HNF1B: variants seen among roughly 807,000 people sequenced by gnomAD.
The protein encoded by HNF1B is hepatocyte nuclear factor 1-beta.
In HNF1B, 8 loss-of-function variants were observed where a neutral mutation model predicts 61.7. The ratio of observed to expected loss-of-function variants is 0.13; its 90% confidence interval spans 0.08 to 0.23. The LOEUF is 0.23. Ranked by LOEUF, HNF1B falls within the 10% of genes least tolerant of loss-of-function variation. The probability of loss-of-function intolerance (pLI) is 1.00; values close to 1 mark genes in which losing one functional copy is unlikely to be tolerated. For missense variants in HNF1B, 562 were observed against 714.5 expected (o/e 0.79, Z 2.43); for synonymous variants, 314 against 287.7 (o/e 1.09, Z -0.93).
intron 2 of HNF1B, 131 bp from the exon 3 acceptor site, chr17:37,733,952 A>C: frequency 3.7e-6 from 4 of 1,088,504 alleles, no homozygotes; most frequent in Non-Finnish European, 5.5e-6. Flanking sequence ...ACCTTCTCTC[A>C]CTGCATGTGG....
intron 8 of HNF1B, among the ~76,000 whole-genome samples, chr17:37,693,332 A>C (rs1460503128): frequency 2.0e-5 from 3 of 152,072 alleles, no homozygotes; most frequent in Admixed American, 1.3e-4. Context: ...AGGCACATTG[A>C]ATATTTTGTG....
intron 8 of HNF1B, among the ~76,000 whole-genome samples, chr17:37,689,347 G>C (rs1479975778): frequency 6.6e-6 from 1 of 152,032 alleles, no homozygotes; most frequent in Non-Finnish European, 1.5e-5. Flanking sequence ...TCAGATTTCA[G>C]GTGGAGGAGA....
rs199798780 is a variant in HNF1B at position 37,744,520 on chromosome 17, T to G, written c.344+21A>C. 5.4e-4 allele frequency: 862 copies of G among 1,599,076 alleles called. 10 individuals are homozygous for G. The highest frequency in any genetic ancestry group is 4.8e-3 in the Middle Eastern group (29 of 5,988). The stretch of plus-strand genomic sequence containing the variant: ...GCTCCAGGGGTTCGGGTGGGTCCCC[T>G]CCACCTCGCTCTGCGCCTACCTGAG... On this transcript the variant is annotated intron_variant, in intron 1 of 8. Coordinates refer to ENST00000617811, the MANE Select transcript of HNF1B (RefSeq NM_000458.4).
rs773256244 is a variant in HNF1B at position 37,744,876 on chromosome 17, G to A, written c.9C>T (p.Ser3=). 19 of 1,604,782 alleles carry A rather than the reference G, an allele frequency of 1.2e-5. No individual in the cohort carries two copies. The highest frequency in any genetic ancestry group is 1.7e-5 in the Admixed American group (1 of 59,784). The part of the protein sequence containing the change: MV[S]KLTSLQQELL... ...GTTCTTGCTGGAGCGACGTGAGCTT[G>A]GACACCATTTTCCAAGGACGGAAAA... Residue 3 remains serine (S), a synonymous_variant, in exon 1 of 9, where the codon TCC becomes TCT. Transcript: ENST00000617811.
At chr17:37,701,642 A>C (rs921800438) in intron 6 of HNF1B, among the ~76,000 whole-genome samples, 1 of 152,138 alleles carries the variant, frequency 6.6e-6, no homozygotes, top group African/African-American at 2.4e-5. Context: ...CCAAATTTTG[A>C]CTAAAAACAA....
chr17:37,693,782 A>C (rs56189897), intron 8 of HNF1B, among the ~76,000 whole-genome samples: 19,105 of 152,254 alleles, frequency 0.13, 2,080 homozygotes, highest in African/African-American at 0.3. Context: ...ATATTGGATC[A>C]CAGGGGCAGA....
chr17:37,703,347 G>C (rs1297515818), intron 6 of HNF1B, among the ~76,000 whole-genome samples: 2 of 152,124 alleles, frequency 1.3e-5, no homozygotes, highest in Non-Finnish European at 2.9e-5. Context: ...AATATGAGTA[G>C]AGGAAATTAG....
At chr17:37,712,074 G>A (rs1229744414) in intron 4 of HNF1B, among the ~76,000 whole-genome samples, 1 of 152,246 alleles carries the variant, frequency 6.6e-6, no homozygotes, top group African/African-American at 2.4e-5. Flanking sequence ...ATGACCTAGA[G>A]CTTAAGAGGG....
intron 4 of HNF1B, among the ~76,000 whole-genome samples, chr17:37,716,842 ATCTCTCTC>A (rs55634127): frequency 0.018 from 2,333 of 131,238 alleles, 37 homozygotes; most frequent in East Asian, 0.054. Flanking sequence ...CACTTTAACA[ATCTCTCTC>A]TCTCTCTCTC....
At chr17:37,732,016 T>C (rs1433391247) in intron 3 of HNF1B, among the ~76,000 whole-genome samples, 186 bp from the exon 4 acceptor site, 22 of 152,124 alleles carry the variant, frequency 1.4e-4, no homozygotes. Flanking sequence ...CTGATGAAGA[T>C]GGCTGAAGTG....
chr17:37,701,057 A>C lies in HNF1B; in HGVS notation c.1460T>G (p.Met487Arg), dbSNP rs1568638262. Residue 487 changes from methionine (M) to arginine (R), a missense_variant, in exon 7 of 9, where the codon ATG becomes AGG. Met to Arg is a moderately conservative substitution (Grantham distance 91). This residue lies in a region of HNF1B where 64 missense variants were observed against 96.9 expected (regional missense o/e 0.66). Coordinates refer to ENST00000617811, the MANE Select transcript of HNF1B (RefSeq NM_000458.4). ...QLHSPHQQPL[M>R]QQSPGSHMAQ... ...CATGTGGCTGCCTGGGCTCTGCTGC[A>C]TGAGGGGCTGCTGGTGAGGGCTGTG... is the stretch of plus-strand genomic sequence containing the variant. The C allele has an allele frequency of 2.1e-5, 32 of 1,555,382 alleles. No individual in the cohort carries two copies. The highest frequency in any genetic ancestry group is 2.8e-5 in the Non-Finnish European group (32 of 1,149,092).
chr17:37,733,548 T>C lies in HNF1B; in HGVS notation c.809+9A>G. ...CCCACCTGCCCAGGTGAGCTTCTGG[T>C]GGTGTTACCTGTTGCATTCCTCCAC... On this transcript the variant is annotated intron_variant, in intron 3 of 8. Transcript: ENST00000617811. 1 of 1,614,164 alleles carries C rather than the reference T, an allele frequency of 6.2e-7. No individual in the cohort carries two copies. The highest frequency in any genetic ancestry group is 8.5e-7 in the Non-Finnish European group (1 of 1,180,022).
intron 4 of HNF1B, chr17:37,728,467 C>A (rs145665698): frequency 6.6e-6 from 1 of 152,128 alleles, no homozygotes; most frequent in African/African-American, 2.4e-5. Flanking sequence ...CCACCACACC[C>A]GGCTAATTTT....
intron 4 of HNF1B, among the ~76,000 whole-genome samples, chr17:37,714,606 T>G (rs901792335): frequency 6.6e-6 from 1 of 152,120 alleles, no homozygotes; most frequent in African/African-American, 2.4e-5. Context: ...CAAGGTGGAG[T>G]TGAGACATCC....
At chr17:37,699,215 C>T in intron 7 of HNF1B, 21 bp from the exon 8 acceptor site, 6 of 1,589,176 alleles carry the variant, frequency 3.8e-6, no homozygotes, top group Non-Finnish European at 5.2e-6. Flanking sequence ...AGAGTGAAGA[C>T]AGAATCAAGG....
intron 2 of HNF1B, among the ~76,000 whole-genome samples, chr17:37,737,538 A>C (rs2033866193): frequency 1.3e-5 from 2 of 152,164 alleles, no homozygotes; most frequent in South Asian, 4.1e-4. Flanking sequence ...CTTTAAAACA[A>C]AAATAACAAC....
chr17:37,709,683 T>C (rs1169245228), intron 5 of HNF1B, among the ~76,000 whole-genome samples: 1 of 152,222 alleles, frequency 6.6e-6, no homozygotes, highest in Non-Finnish European at 1.5e-5. Context: ...AGAATGATAT[T>C]GACATTTACA....
At position 37,731,933 on chromosome 17, in the gene HNF1B, A is replaced by C; in HGVS notation, c.810-103T>G. 5.2e-6 allele frequency: 4 copies of C among 774,862 alleles called. No homozygotes were observed. The South Asian group carries it at 6.3e-5, about 12-fold the overall frequency. 48.0% of individuals were successfully genotyped at this position (774,862 alleles called of 1,614,324 possible). On this transcript the variant is annotated intron_variant, in intron 3 of 8. Coordinates refer to ENST00000617811, the MANE Select transcript of HNF1B (RefSeq NM_000458.4). ...CACAGCAGTCTTGGTTGGGAGTATGAAGGGGCCGTGGGCAGAATGGAAGGC... is the reference window on the plus strand; with the variant it reads ...CACAGCAGTCTTGGTTGGGAGTATGCAGGGGCCGTGGGCAGAATGGAAGGC...
Position 37,744,831 on chromosome 17 carries a change from G to A in HNF1B, c.54C>T (p.Ser18=). ...CCAGCACCTCCTTGGTGACCCCGGA[G>A]CTCAGCAGGGCGCTCAGGAGTTCTT... ...LQQELLSALL[S]SGVTKEVLVQ... Residue 18 remains serine (S), a synonymous_variant, in exon 1 of 9, where the codon AGC becomes AGT. Transcript: ENST00000617811. The A allele has an allele frequency of 6.2e-7, 1 of 1,612,862 alleles. No homozygotes were observed. Among genetic ancestry groups the A allele is most frequent in the African/African-American group, 1.3e-5 (1 of 74,858 alleles).
Sources: gnomAD v4.1 joint callset for allele counts (sites outside exome capture counted in the v4.1 genomes callset) on GRCh38, gnomAD v4.1.1 for gene constraint, gnomAD v4.1.1 regional missense constraint, MANE v1.5 for transcripts, NCBI Gene and HGNC (gene_info 2026-07-23, HGNC 2026-07-21) for gene names.